GCNT2: variants seen among roughly 807,000 people sequenced by gnomAD.
GCNT2 encodes the protein N-acetyllactosaminide beta-1,6-N-acetylglucosaminyl-transferase.
Under a neutral mutation model 34.2 loss-of-function variants are expected in GCNT2, and 34 were observed. That is an observed-to-expected ratio of 1.00 (90% CI 0.76 to 1.32). GCNT2 has a LOEUF of 1.32. Among genes scored for constraint, GCNT2 ranks in the 40% most tolerant of loss-of-function variants. The probability of loss-of-function intolerance (pLI) is 0.00; values close to 1 mark genes in which losing one functional copy is unlikely to be tolerated. For missense variants in GCNT2, 584 were observed against 489.4 expected (o/e 1.19, Z -1.82); for synonymous variants, 212 against 188.0 (o/e 1.13, Z -1.04).
chr6:10,525,209 T>A (rs935362526), intron 1 of GCNT2, among the ~76,000 whole-genome samples: 37 of 151,796 alleles, frequency 2.4e-4, no homozygotes, highest in African/African-American at 6.3e-4. Flanking sequence ...TCCTGGAGAG[T>A]GAGAATTTAT....
chr6:10,593,383 A>G (rs9379533), intron 3 of GCNT2, among the ~76,000 whole-genome samples: 87,857 of 151,884 alleles, frequency 0.58, 25,475 homozygotes, highest in Middle Eastern at 0.67. Flanking sequence ...TGTCACCTAG[A>G]CTGGAGTGCA....
chr6:10,544,447 G>A (rs561746959), intron 3 of GCNT2, among the ~76,000 whole-genome samples: 3 of 143,032 alleles, frequency 2.1e-5, no homozygotes, highest in South Asian at 4.6e-4. Flanking sequence ...TACTAAAAAC[G>A]CAAAAAAATT....
chr6:10,528,887 T>G lies in GCNT2; in HGVS notation c.-25T>G, dbSNP rs200416473. 220 of 1,545,586 alleles carry G rather than the reference T, an allele frequency of 1.4e-4. 2 individuals carry two copies. The highest frequency in any genetic ancestry group is 5.7e-4 in the South Asian group (51 of 89,680). On this transcript the variant is annotated 5_prime_UTR_variant, in exon 3 of 5. Transcript: ENST00000495262. ...CTCTGATCCTATCTCAAGAGAGAGA[T>G]ATTTTACTCATTTCCTGGTTGTGAA...
intron 3 of GCNT2, among the ~76,000 whole-genome samples, chr6:10,590,871 T>C (rs746954470): frequency 1.4e-4 from 22 of 152,182 alleles, no homozygotes; most frequent in Non-Finnish European, 2.8e-4. Flanking sequence ...CCTATCTTTT[T>C]ATGGCTTTTT....
At chr6:10,611,016 G>C (rs1377738424) in intron 3 of GCNT2, among the ~76,000 whole-genome samples, 1 of 152,144 alleles carries the variant, frequency 6.6e-6, no homozygotes, top group Non-Finnish European at 1.5e-5. Context: ...CTATACCACT[G>C]TCTCAGGGAC....
chr6:10,566,951 T>C (rs1400099460), intron 3 of GCNT2, among the ~76,000 whole-genome samples: 4 of 152,236 alleles, frequency 2.6e-5, no homozygotes, highest in African/African-American at 9.6e-5. Context: ...GGACTGTATA[T>C]GTCTATCTCA....
At chr6:10,592,163 C>T (rs577632914) in intron 3 of GCNT2, among the ~76,000 whole-genome samples, 2 of 152,342 alleles carry the variant, frequency 1.3e-5, no homozygotes, top group South Asian at 4.1e-4. Flanking sequence ...TCCACACTGA[C>T]ATTTGTCTTG....
At chr6:10,571,378 G>C (rs544871244) in intron 3 of GCNT2, among the ~76,000 whole-genome samples, 1 of 152,076 alleles carries the variant, frequency 6.6e-6, no homozygotes, top group African/African-American at 2.4e-5. Context: ...ACAGAGTCCC[G>C]CTCTTGTTAC....
chr6:10,535,665 A>G (rs974841130), intron 3 of GCNT2, among the ~76,000 whole-genome samples: 1 of 152,242 alleles, frequency 6.6e-6, no homozygotes, highest in South Asian at 2.1e-4. Flanking sequence ...CACTTGCTAC[A>G]AAGGAGTATT....
intron 3 of GCNT2, among the ~76,000 whole-genome samples, chr6:10,548,606 TG>T (rs1395148778): frequency 6.6e-6 from 1 of 152,258 alleles, no homozygotes; most frequent in Non-Finnish European, 1.5e-5. Flanking sequence ...ATCTTGTTTT[TG>T]TACTTCATAT....
At chr6:10,526,121 AGATT>A (rs1761172310) in intron 1 of GCNT2, among the ~76,000 whole-genome samples, 1 of 152,238 alleles carries the variant, frequency 6.6e-6, no homozygotes, top group Non-Finnish European at 1.5e-5. Context: ...ATTTCAGAAA[AGATT>A]GATTTTGTAT....
chr6:10,554,424 G>T (rs541100990), intron 3 of GCNT2, among the ~76,000 whole-genome samples: 1 of 152,286 alleles, frequency 6.6e-6, no homozygotes, highest in South Asian at 2.1e-4. Context: ...ATATAGTAAT[G>T]CTATTAATGT....
At chr6:10,582,557 ATC>A (rs1302477249) in intron 3 of GCNT2, among the ~76,000 whole-genome samples, 1 of 135,646 alleles carries the variant, frequency 7.4e-6, no homozygotes, top group African/African-American at 2.8e-5. Flanking sequence ...TATAATATAT[ATC>A]ATATATATTT....
chr6:10,569,240 C>CACACACACACACACACACACACACACAT (rs1191676850), intron 3 of GCNT2, among the ~76,000 whole-genome samples: 1 of 133,424 alleles, frequency 7.5e-6, no homozygotes, highest in Non-Finnish European at 1.5e-5. Context: ...CCCCGCCACA[C>CACACACACACACACACACACACACACAT]ACACACACAC....
intron 3 of GCNT2, chr6:10,574,956 C>G: frequency 1.4e-6 from 1 of 721,654 alleles, no homozygotes; most frequent in Non-Finnish European, 2.5e-6. Context: ...GCTCAATACA[C>G]ACATTAATTC....
chr6:10,552,372 A>G (rs889235737), intron 3 of GCNT2, among the ~76,000 whole-genome samples: 1 of 151,832 alleles, frequency 6.6e-6, no homozygotes, highest in Non-Finnish European at 1.5e-5. Flanking sequence ...CTGTTTCCCC[A>G]GGTCCTGAAT....
intron 3 of GCNT2, among the ~76,000 whole-genome samples, chr6:10,581,058 C>A (rs1473325134): frequency 3.9e-5 from 6 of 152,114 alleles, no homozygotes; most frequent in Non-Finnish European, 8.8e-5. Context: ...AATAGCTTTG[C>A]CTGCCCAATT....
At chr6:10,588,208 T>G (rs1236764339) in intron 3 of GCNT2, among the ~76,000 whole-genome samples, 1 of 152,210 alleles carries the variant, frequency 6.6e-6, no homozygotes, top group Non-Finnish European at 1.5e-5. Context: ...GATGCTAAAC[T>G]GTCAGGTCAC....
chr6:10,538,408 C>CAAAAA (rs70991023), intron 3 of GCNT2, among the ~76,000 whole-genome samples: 18 of 40,190 alleles, frequency 4.5e-4, no homozygotes, highest in Non-Finnish European at 6.9e-4. Flanking sequence ...GACTCCGTCT[C>CAAAAA]AAAAAAAAAA....
Sources: gnomAD v4.1 joint callset for allele counts (sites outside exome capture counted in the v4.1 genomes callset) on GRCh38, gnomAD v4.1.1 for gene constraint, MANE v1.5 for transcripts, NCBI Gene and HGNC (gene_info 2026-07-23, HGNC 2026-07-21) for gene names.